Variants in UGP2 observed in about 807,000 individuals in gnomAD.
The protein encoded by UGP2 is UTP--glucose-1-phosphate uridylyltransferase.
Under a neutral mutation model 49.0 loss-of-function variants are expected in UGP2, and 40 were observed. The ratio of observed to expected loss-of-function variants is 0.82; its 90% CI spans 0.63 to 1.06. The LOEUF is 1.06. UGP2 is among the 50% of genes least tolerant of loss of function. The pLI is 0.00. For missense variants in UGP2, 460 were observed against 603.5 expected (o/e 0.76, Z 2.49); for synonymous variants, 225 against 213.0 (o/e 1.06, Z -0.49).
At position 63,857,926 on chromosome 2, in the gene UGP2, C is replaced by T. The variant is rs1669558843; in HGVS notation, c.245C>T (p.Pro82Leu). The T allele has an allele frequency of 6.2e-7, 1 of 1,613,486 alleles. No individual in the cohort carries two copies. The highest frequency in any genetic ancestry group is 8.5e-7 in the Non-Finnish European group (1 of 1,179,774). The change falls in exon 3 of 10, where the codon CCT becomes CTT. Residue 82 changes from proline to leucine, a missense_variant. Around this residue, in one of 2 missense-constraint regions of UGP2, gnomAD observed 143 missense variants for 130.4 expected, o/e 1.10. Coordinates refer to ENST00000337130, the MANE Select transcript of UGP2 (RefSeq NM_006759.4). ...GATTGGGGAAAAATCCAGAGACCCC[C>T]TGAAGATTCGGTAAGTTTTAGATAA... The part of the protein sequence containing the change: ...SVDWGKIQRP[P>L]EDSIQPYEKI...
intron 3 of UGP2, among the ~76,000 whole-genome samples, chr2:63,859,594 T>A (rs1356017137): frequency 6.6e-6 from 1 of 152,122 alleles, no homozygotes; most frequent in Non-Finnish European, 1.5e-5. Flanking sequence ...CCCAGGAAAG[T>A]TCTGATAAAT....
intron 1 of UGP2, among the ~76,000 whole-genome samples, chr2:63,848,506 G>A (rs182859961): frequency 3.3e-5 from 5 of 152,248 alleles, no homozygotes; most frequent in Non-Finnish European, 7.4e-5. Context: ...TGGAATTATA[G>A]GTGCACGCCA....
At chr2:63,882,325 T>C in intron 3 of UGP2, 141 bp from the exon 4 acceptor site, 1 of 702,736 alleles carries the variant, frequency 1.4e-6, no homozygotes, top group Non-Finnish European at 2.1e-6. Context: ...CAAGGGCCTA[T>C]GACATTAAAG....
Position 63,891,448 on chromosome 2 carries a change from G to T in UGP2, c.*221G>T. On this transcript the variant is annotated 3_prime_UTR_variant, in exon 10 of 10. Transcript: ENST00000337130. ...ATCCCAAAAGTTAGTTCATCTTAAA[G>T]TGCAATATTGTTTAATCTTAAAACT... 1 of 356,214 alleles carries T rather than the reference G, an allele frequency of 2.8e-6. No individual in the cohort carries two copies. The highest frequency in any genetic ancestry group is 5.0e-6 in the Non-Finnish European group (1 of 198,792). 22.1% of individuals were successfully genotyped at this position (356,214 alleles called of 1,614,324 possible).
rs140623976 is a variant in UGP2 at position 63,875,185 on chromosome 2, G to T, written c.256-7281G>T. Among the ~76,000 whole-genome samples, 1,235 of 152,336 alleles carry T rather than the reference G, an allele frequency of 8.1e-3. 12 individuals are homozygous for T. The Middle Eastern group carries it at 0.088, about 11-fold the overall frequency. ...CCTGTGCAGTAGCAGTAAGGGTTTA[G>T]TGAATAAGCCAGTGTTCTTGGAACA... On this transcript the variant is annotated intron_variant, in intron 3 of 9. Coordinates refer to ENST00000337130, the MANE Select transcript of UGP2 (RefSeq NM_006759.4).
chr2:63,885,742 C>G lies in UGP2; in HGVS notation c.729C>G (p.Gly243=). Residue 243 remains glycine (G), a synonymous_variant, in exon 6 of 10, where the codon GGC becomes GGG. Coordinates refer to ENST00000337130, the MANE Select transcript of UGP2 (RefSeq NM_006759.4). ...TGCTTGATACCTTTATAGGAGAAGG[C>G]AAAGAGTATATTTTTGTGTCTAACA... is the stretch of plus-strand genomic sequence containing the variant. ...SGLLDTFIGE[G]KEYIFVSNID... is the part of the protein sequence containing the mutation. 6.2e-7 allele frequency: 1 copy of G among 1,613,752 alleles called. No individual in the cohort carries two copies. Among genetic ancestry groups the G allele is most frequent in the Non-Finnish European group, 8.5e-7 (1 of 1,179,886 alleles).
At chr2:63,886,560 TTGAGCTTCCTGGTTCC>T (rs1558963275) in intron 7 of UGP2, 22 bp downstream of exon 7, 1 of 1,612,902 alleles carries the variant, frequency 6.2e-7, no homozygotes. Flanking sequence ...TTGTGGCCCA[TTGAGCTTCCTGGTTCC>T]TAAGGTCATA....
At chr2:63,874,222 C>CCAT (rs1468097298) in intron 3 of UGP2, among the ~76,000 whole-genome samples, 27 of 152,124 alleles carry the variant, frequency 1.8e-4, no homozygotes, top group Admixed American at 6.5e-5. Flanking sequence ...CTCTGCCATG[C>CCAT]CATGCCAGTG....
intron 1 of UGP2, among the ~76,000 whole-genome samples, chr2:63,843,897 C>G (rs1048556438): frequency 2.6e-5 from 4 of 151,808 alleles, no homozygotes; most frequent in African/African-American, 9.7e-5. Flanking sequence ...TTTCTTTCTT[C>G]TTTTTTTGTC....
chr2:63,880,627 G>C (rs142971838), intron 3 of UGP2, among the ~76,000 whole-genome samples: 2 of 152,280 alleles, frequency 1.3e-5, no homozygotes, highest in East Asian at 3.9e-4. Flanking sequence ...CAGTTTCTTT[G>C]AAATGCTGAA....
intron 3 of UGP2, among the ~76,000 whole-genome samples, chr2:63,867,695 T>C (rs62136369): frequency 0.051 from 7,797 of 152,320 alleles, 355 homozygotes; most frequent in African/African-American, 0.12. Flanking sequence ...TCAGTGTACT[T>C]AATTTGATGT....
intron 3 of UGP2, among the ~76,000 whole-genome samples, chr2:63,880,863 T>G (rs768783094): frequency 1.6e-4 from 25 of 152,138 alleles, no homozygotes; most frequent in Non-Finnish European, 2.1e-4. Context: ...CACATCCCAA[T>G]ATTTATGTAG....
chr2:63,889,859 C>T (rs1368396581), intron 8 of UGP2: 2 of 437,280 alleles, frequency 4.6e-6, no homozygotes, highest in East Asian at 8.2e-5. Flanking sequence ...GCTCAACTAT[C>T]TTGTAAATTG....
chr2:63,855,520 G>GTTTTTTTTTTTTTTTTTTTTTTTTGT (rs372160888), intron 1 of UGP2: 4 of 187,694 alleles, frequency 2.1e-5, no homozygotes, highest in African/African-American at 6.4e-5. Flanking sequence ...TTCTTTTTCT[G>GTTTTTTTTTTTTTTTTTTTTTTTTGT]TTTTTTTTTT....
At chr2:63,860,780 T>G (rs1180190943) in intron 3 of UGP2, among the ~76,000 whole-genome samples, 1 of 150,036 alleles carries the variant, frequency 6.7e-6, no homozygotes, top group Admixed American at 6.6e-5. Flanking sequence ...TTTTTTTTTT[T>G]TTTTGTAGAG....
chr2:63,870,955 G>A (rs1317855367), intron 3 of UGP2, among the ~76,000 whole-genome samples: 1 of 152,164 alleles, frequency 6.6e-6, no homozygotes, highest in East Asian at 1.9e-4. Flanking sequence ...TGATAGTTTT[G>A]CCATTTGGTT....
chr2:63,848,751 A>G (rs1668840218), intron 1 of UGP2, among the ~76,000 whole-genome samples: 1 of 152,256 alleles, frequency 6.6e-6, no homozygotes, highest in Admixed American at 6.5e-5. Flanking sequence ...AAGCTATCAA[A>G]GAAAATTAAA....
chr2:63,884,902 TAAAATA>T (rs939758499), intron 5 of UGP2, among the ~76,000 whole-genome samples: 51 of 142,336 alleles, frequency 3.6e-4, no homozygotes, highest in African/African-American at 1.1e-3. Context: ...ATCTCAAAAA[TAAAATA>T]AAAATAAAAA....
intron 3 of UGP2, among the ~76,000 whole-genome samples, chr2:63,873,911 G>T (rs941724810): frequency 2.0e-5 from 3 of 152,162 alleles, no homozygotes; most frequent in Non-Finnish European, 2.9e-5. Flanking sequence ...CTGTCTGGCT[G>T]CTCTGCCACC....
Sources: gnomAD v4.1 joint callset for allele counts (sites outside exome capture counted in the v4.1 genomes callset) on GRCh38, gnomAD v4.1.1 for gene constraint, gnomAD v4.1.1 regional missense constraint, MANE v1.5 for transcripts, NCBI Gene and HGNC (gene_info 2026-07-23, HGNC 2026-07-21) for gene names.